Variants in ERCC8 observed in about 807,000 individuals in gnomAD.
ERCC8 encodes DNA excision repair protein ERCC-8.
ERCC8 carries 52 observed loss-of-function variants against 54.9 expected under a neutral mutation model. The ratio of observed to expected loss-of-function variants is 0.95; its 90% CI spans 0.76 to 1.19. The LOEUF is 1.19. Ranked by LOEUF, ERCC8 falls within the 50% of genes most tolerant of loss-of-function variation. The pLI is 0.00. For synonymous variants in ERCC8, 146 were observed against 157.2 expected, an observed-to-expected ratio of 0.93 and a Z score of 0.53; for missense variants, 514 against 466.1, an observed-to-expected ratio of 1.10 and a Z score of -0.95.
At chr5:60,934,362 G>T (rs1750002461) in intron 1 of ERCC8, among the ~76,000 whole-genome samples, 1 of 152,100 alleles carries the variant, frequency 6.6e-6, no homozygotes, top group South Asian at 2.1e-4. Context: ...TGTCATATTT[G>T]TTGGCCATTT....
intron 3 of ERCC8, among the ~76,000 whole-genome samples, chr5:60,919,795 G>C (rs1749549638): frequency 1.3e-5 from 2 of 151,978 alleles, no homozygotes; most frequent in Admixed American, 6.6e-5. Flanking sequence ...CTTTGGGGAA[G>C]AGGATGATCA....
chr5:60,889,456 C>T (rs147371359), intron 10 of ERCC8, among the ~76,000 whole-genome samples: 30 of 152,288 alleles, frequency 2.0e-4, no homozygotes, highest in African/African-American at 7.2e-4. Context: ...CAGGCATATA[C>T]CACCACACCT....
intron 1 of ERCC8, among the ~76,000 whole-genome samples, chr5:60,941,792 A>C (rs115135375): frequency 0.015 from 2,282 of 152,338 alleles, 60 homozygotes; most frequent in African/African-American, 0.051. Context: ...GAGACAAGAA[A>C]AAGATATAAG....
intron 11 of ERCC8, among the ~76,000 whole-genome samples, chr5:60,881,527 C>A (rs562856905): frequency 1.3e-5 from 2 of 152,192 alleles, no homozygotes; most frequent in Non-Finnish European, 2.9e-5. Flanking sequence ...TCTTCCCAGC[C>A]GCTTTGTTTA....
chr5:60,919,336 T>C (rs1359034869), intron 3 of ERCC8: 1 of 151,992 alleles, frequency 6.6e-6, no homozygotes, highest in Non-Finnish European at 1.5e-5. Flanking sequence ...CAGGTCATTA[T>C]ACAACTCTCC....
chr5:60,881,220 G>A (rs903253156), intron 11 of ERCC8, among the ~76,000 whole-genome samples: 2 of 152,152 alleles, frequency 1.3e-5, no homozygotes, highest in Non-Finnish European at 2.9e-5. Flanking sequence ...GTTCCTCTGG[G>A]AGTTTTGTCT....
intron 11 of ERCC8, among the ~76,000 whole-genome samples, chr5:60,876,266 A>C (rs1748004248): frequency 6.6e-6 from 1 of 152,044 alleles, no homozygotes; most frequent in African/African-American, 2.4e-5. Flanking sequence ...CATTTTCTTA[A>C]TCCAGTCTAT....
Position 60,871,878 on chromosome 5 carries a change from G to T in ERCC8, c.*2737C>A, listed in dbSNP as rs1475236487. Among the ~76,000 whole-genome samples the T allele has an allele frequency of 6.6e-6, 1 of 152,116 alleles. No individual in the cohort carries two copies. The highest frequency in any genetic ancestry group is 1.5e-5 in the Non-Finnish European group (1 of 68,020). ...TGTAGTGACACGATCTTGGCTCAAT[G>T]CAGCCGTGACTTTACAGGTTCAAGT... On this transcript the variant is annotated 3_prime_UTR_variant, in exon 12 of 12. Transcript: ENST00000676185.
intron 4 of ERCC8, among the ~76,000 whole-genome samples, chr5:60,917,802 A>G (rs1037108173): frequency 6.6e-6 from 1 of 152,032 alleles, no homozygotes; most frequent in Non-Finnish European, 1.5e-5. Context: ...ACTATTATCC[A>G]TTGCTTGTCT....
intron 10 of ERCC8, among the ~76,000 whole-genome samples, chr5:60,890,275 A>G (rs1419197021): frequency 6.6e-6 from 1 of 152,164 alleles, no homozygotes; most frequent in Non-Finnish European, 1.5e-5. Flanking sequence ...TTCCTTACCT[A>G]CAAAACAGGG....
At chr5:60,877,469 A>C (rs1242612545) in intron 11 of ERCC8, among the ~76,000 whole-genome samples, 1 of 152,184 alleles carries the variant, frequency 6.6e-6, no homozygotes, top group African/African-American at 2.4e-5. Context: ...CTTGGGCAGC[A>C]TGGCCATTTT....
intron 9 of ERCC8, chr5:60,892,822 T>C (rs1316102356): frequency 1.5e-6 from 1 of 681,652 alleles, no homozygotes; most frequent in African/African-American, 1.8e-5. Flanking sequence ...ACCCCAGGAA[T>C]GGCTCCCACA....
intron 1 of ERCC8, among the ~76,000 whole-genome samples, chr5:60,937,563 C>T (rs987283312): frequency 2.0e-5 from 3 of 152,160 alleles, no homozygotes; most frequent in Non-Finnish European, 4.4e-5. Flanking sequence ...ACACAGGTCA[C>T]CAAGGAAGTT....
rs1747812827 is a variant in ERCC8 at position 60,869,155 on chromosome 5, C to T, written c.*5460G>A. Among the ~76,000 whole-genome samples, 1 of 152,116 alleles carries T rather than the reference C, an allele frequency of 6.6e-6. No individual in the cohort carries two copies. The highest frequency in any genetic ancestry group is 2.4e-5 in the African/African-American group (1 of 41,424). On this transcript the variant is annotated 3_prime_UTR_variant, in exon 12 of 12. Coordinates refer to ENST00000676185, the MANE Select transcript of ERCC8 (RefSeq NM_000082.4). ...ATAGAATTCACAGAAACGTCTTTAG[C>T]TTCTCTAGTCTTCAGTAGTTATATC...
chr5:60,887,536 C>A lies in ERCC8; in HGVS notation c.1042-16G>T. 2 of 1,584,644 alleles carry A rather than the reference C, an allele frequency of 1.3e-6. No individual in the cohort carries two copies. Among genetic ancestry groups the A allele is most frequent in the Non-Finnish European group, 1.7e-6 (2 of 1,153,304 alleles). ...TATAAAGTTCCTATAACATAGAAGG[C>A]AAAGATGATACTGTGGATCAAGAGC... is the stretch of plus-strand genomic sequence containing the variant. On this transcript the variant is annotated splice_polypyrimidine_tract_variant and intron_variant, in intron 10 of 11. Coordinates refer to ENST00000676185, the MANE Select transcript of ERCC8 (RefSeq NM_000082.4).
chr5:60,944,070 T>C (rs1190624041), intron 1 of ERCC8, among the ~76,000 whole-genome samples: 1 of 152,210 alleles, frequency 6.6e-6, no homozygotes, highest in Admixed American at 6.5e-5. Flanking sequence ...TTCTTCCCTT[T>C]GGAAAACCCT....
At chr5:60,884,747 A>C (rs1387623792) in intron 11 of ERCC8, among the ~76,000 whole-genome samples, 1 of 152,046 alleles carries the variant, frequency 6.6e-6, no homozygotes, top group Non-Finnish European at 1.5e-5. Context: ...TTCAAACTAA[A>C]ATTTTATGGA....
At chr5:60,886,646 G>A (rs1264638366) in intron 11 of ERCC8, among the ~76,000 whole-genome samples, 1 of 150,626 alleles carries the variant, frequency 6.6e-6, no homozygotes, top group South Asian at 2.1e-4. Context: ...AAGTTGCAGT[G>A]AGCCAAGATC....
chr5:60,906,632 G>C (rs1048966145), intron 4 of ERCC8, among the ~76,000 whole-genome samples: 3 of 151,936 alleles, frequency 2.0e-5, no homozygotes, highest in African/African-American at 7.3e-5. Flanking sequence ...GAGAGGCTGA[G>C]GCAGGAGAAT....
Sources: gnomAD v4.1 joint callset for allele counts (sites outside exome capture counted in the v4.1 genomes callset) on GRCh38, gnomAD v4.1.1 for gene constraint, MANE v1.5 for transcripts, NCBI Gene and HGNC (gene_info 2026-07-23, HGNC 2026-07-21) for gene names.